Variants in CA10 observed in about 807,000 individuals in gnomAD.
CA10 encodes the protein carbonic anhydrase-related protein 10.
A neutral mutation model predicts 44.2 loss-of-function variants in CA10; 14 were observed. That is an observed-to-expected ratio of 0.32 (90% CI 0.21 to 0.50). The LOEUF (loss-of-function observed/expected upper bound fraction) is 0.50. CA10 is among the 20% of genes least tolerant of loss of function. The probability of loss-of-function intolerance (pLI) is 0.99; values close to 1 mark genes in which losing one functional copy is unlikely to be tolerated. For synonymous variants in CA10, 159 were observed against 141.6 expected, an observed-to-expected ratio of 1.12 and a Z score of -0.87; for missense variants, 350 against 409.7, an observed-to-expected ratio of 0.85 and a Z score of 1.26.
At chr17:51,940,311 G>A (rs565981162) in intron 2 of CA10, among the ~76,000 whole-genome samples, 2 of 152,016 alleles carry the variant, frequency 1.3e-5, no homozygotes, top group South Asian at 2.1e-4. Context: ...TAATTTATAC[G>A]ACAAAACTTC....
At chr17:52,041,119 A>G (rs1986756753) in intron 2 of CA10, among the ~76,000 whole-genome samples, 1 of 152,062 alleles carries the variant, frequency 6.6e-6, no homozygotes, top group African/African-American at 2.4e-5. Context: ...CCTACAAGAG[A>G]TTCCAAGTAG....
intron 3 of CA10, among the ~76,000 whole-genome samples, chr17:51,794,322 C>T (rs1382643343): frequency 6.6e-6 from 1 of 152,176 alleles, no homozygotes; most frequent in African/African-American, 2.4e-5. Context: ...GGAAGTGCCC[C>T]TTCTTCATTC....
At chr17:51,938,766 T>C (rs1982963436) in intron 2 of CA10, among the ~76,000 whole-genome samples, 1 of 152,068 alleles carries the variant, frequency 6.6e-6, no homozygotes, top group Non-Finnish European at 1.5e-5. Flanking sequence ...GATCACCCCC[T>C]GTTTAACAAG....
At chr17:52,040,145 CTTT>C (rs200635464) in intron 2 of CA10, among the ~76,000 whole-genome samples, 1 of 139,050 alleles carries the variant, frequency 7.2e-6, no homozygotes. Flanking sequence ...TCTTTTTTTT[CTTT>C]TTTTTTTTTT....
chr17:51,783,412 A>G (rs1906135543), intron 3 of CA10, among the ~76,000 whole-genome samples: 1 of 152,208 alleles, frequency 6.6e-6, no homozygotes, highest in African/African-American at 2.4e-5. Context: ...AGTCTTCACA[A>G]CAAATATACA....
At chr17:51,907,088 C>G (rs1384652850) in intron 3 of CA10, among the ~76,000 whole-genome samples, 3 of 152,086 alleles carry the variant, frequency 2.0e-5, no homozygotes, top group Non-Finnish European at 2.9e-5. Flanking sequence ...GCATTAAAAC[C>G]AAACTCCTTT....
chr17:51,776,515 A>C (rs946576171), intron 3 of CA10, among the ~76,000 whole-genome samples: 3 of 152,238 alleles, frequency 2.0e-5, no homozygotes, highest in African/African-American at 7.2e-5. Flanking sequence ...AGTCAAAATA[A>C]AAATTATTAA....
chr17:51,868,154 G>A (rs1046575403), intron 3 of CA10, among the ~76,000 whole-genome samples: 4 of 150,470 alleles, frequency 2.7e-5, no homozygotes, highest in South Asian at 2.1e-4. Flanking sequence ...TCTGCTGCTC[G>A]CTCTCCCTCT....
intron 1 of CA10, among the ~76,000 whole-genome samples, chr17:52,147,098 G>A (rs1989605024): frequency 6.6e-6 from 1 of 152,068 alleles, no homozygotes; most frequent in Non-Finnish European, 1.5e-5. Context: ...GAAGCAACAT[G>A]GAGAAATATT....
At chr17:51,849,850 C>G (rs923076573) in intron 3 of CA10, among the ~76,000 whole-genome samples, 2 of 152,122 alleles carry the variant, frequency 1.3e-5, no homozygotes, top group Non-Finnish European at 2.9e-5. Flanking sequence ...AAGAATGAGA[C>G]CACTCTCTTT....
At chr17:51,668,997 C>T (rs1314956617) in intron 4 of CA10, among the ~76,000 whole-genome samples, 1 of 152,210 alleles carries the variant, frequency 6.6e-6, no homozygotes, top group Non-Finnish European at 1.5e-5. Flanking sequence ...TGGGCCTCAG[C>T]CACTTCCCTG....
intron 3 of CA10, among the ~76,000 whole-genome samples, chr17:51,928,616 C>T (rs1982525526): frequency 6.6e-6 from 1 of 152,080 alleles, no homozygotes; most frequent in Non-Finnish European, 1.5e-5. Context: ...AGTTACTAGG[C>T]TGCATTTCAC....
intron 2 of CA10, among the ~76,000 whole-genome samples, chr17:51,985,355 G>T (rs145241342): frequency 6.6e-6 from 1 of 151,752 alleles, no homozygotes; most frequent in African/African-American, 2.4e-5. Context: ...TGGCATGCAA[G>T]GGACATAATG....
At chr17:51,959,177 C>G (rs1253922020) in intron 2 of CA10, among the ~76,000 whole-genome samples, 1 of 151,122 alleles carries the variant, frequency 6.6e-6, no homozygotes, top group East Asian at 1.9e-4. Flanking sequence ...AAAGCAGCAG[C>G]TATGCATACA....
intron 2 of CA10, among the ~76,000 whole-genome samples, chr17:51,973,534 G>A (rs947329060): frequency 6.6e-6 from 1 of 152,182 alleles, no homozygotes; most frequent in Non-Finnish European, 1.5e-5. Context: ...TAGAGTTTCT[G>A]AAGCCTGCAT....
chr17:51,989,165 TTTTTAAC>T (rs1984951724), intron 2 of CA10, among the ~76,000 whole-genome samples: 1 of 151,934 alleles, frequency 6.6e-6, no homozygotes, highest in African/African-American at 2.4e-5. Flanking sequence ...TTTTTTTTTT[TTTTTAAC>T]TTTTAAGTTC....
At chr17:51,659,637 C>A (rs1913927190) in intron 4 of CA10, among the ~76,000 whole-genome samples, 2 of 152,154 alleles carry the variant, frequency 1.3e-5, no homozygotes, top group South Asian at 4.1e-4. Flanking sequence ...GTCATCATCA[C>A]CACTTTGGAT....
At chr17:51,855,283 T>C (rs1299249008) in intron 3 of CA10, among the ~76,000 whole-genome samples, 1 of 152,036 alleles carries the variant, frequency 6.6e-6, no homozygotes, top group Non-Finnish European at 1.5e-5. Flanking sequence ...TATATGTTGG[T>C]TCTTATTACT....
intron 3 of CA10, among the ~76,000 whole-genome samples, chr17:51,898,783 T>G (rs1157283028): frequency 6.6e-6 from 1 of 152,084 alleles, no homozygotes; most frequent in Non-Finnish European, 1.5e-5. Context: ...CTTAGGAGAT[T>G]GTACATTTCC....
Sources: gnomAD v4.1 joint callset for allele counts (sites outside exome capture counted in the v4.1 genomes callset) on GRCh38, gnomAD v4.1.1 for gene constraint, MANE v1.5 for transcripts, NCBI Gene and HGNC (gene_info 2026-07-23, HGNC 2026-07-21) for gene names.